CCNA2: variants seen among roughly 807,000 people sequenced by gnomAD.
CCNA2 encodes cyclin-A2.
CCNA2 carries 3 observed loss-of-function variants against 49.4 expected under a neutral mutation model. The observed-to-expected ratio is 0.06, with a 90% CI of 0.03 to 0.16. The LOEUF (loss-of-function observed/expected upper bound fraction) is 0.16. Ranked by LOEUF, CCNA2 falls within the 10% of genes least tolerant of loss-of-function variation. The probability of loss-of-function intolerance (pLI) is 1.00; values close to 1 mark genes in which losing one functional copy is unlikely to be tolerated. For missense variants in CCNA2, 372 were observed against 519.7 expected (o/e 0.72, Z 2.76); for synonymous variants, 206 against 197.2 (o/e 1.04, Z -0.37).
rs757896752 is a variant in CCNA2, at chr4:121,823,423, G to A, written c.206C>T (p.Thr69Met). ...TATCCCGCATCCCTTTACCCGTCTCGTCTTCGGCCTCTGCTGCTGCGCTAG... is the reference window on the plus strand; with the variant it reads ...TATCCCGCATCCCTTTACCCGTCTCATCTTCGGCCTCTGCTGCTGCGCTAG... ...RGLAQQQRPK[T>M]RRVAPLKDLP... The change falls in exon 1 of 8, where the codon ACG (threonine) becomes ATG (methionine). Residue 69 changes from threonine (T) to methionine (M), a missense_variant. Coordinates refer to ENST00000274026, the MANE Select transcript of CCNA2 (RefSeq NM_001237.5). The A allele has an allele frequency of 1.2e-6, 2 of 1,611,332 alleles. No individual in the cohort carries two copies. The highest frequency in any genetic ancestry group is 3.3e-5 in the Admixed American group (2 of 59,770).
Position 121,822,411 on chromosome 4 carries a change from C to T in CCNA2, c.449G>A (p.Gly150Asp). The T allele has an allele frequency of 1.2e-6, 2 of 1,613,776 alleles. No individual in the cohort carries two copies. The highest frequency in any genetic ancestry group is 1.7e-6 in the Non-Finnish European group (2 of 1,179,784). ...PLVPLDYPMD[G>D]SFESPHTMDM... ...TTTTCCTTAAAACTTACCAAAACTA[C>T]CATCCATTGGATAATCAAGAGGGAC... Residue 150 changes from glycine to aspartate, a missense_variant, in exon 2 of 8, where the codon GGT becomes GAT. Physicochemically the swap from Gly to Asp is moderately conservative, Grantham distance 94. This residue lies in a region of CCNA2 where 217 missense variants were observed against 231.7 expected (regional missense o/e 0.94). Transcript: ENST00000274026.
At chr4:121,821,596 C>T (rs905550578) in intron 2 of CCNA2, among the ~76,000 whole-genome samples, 10 of 152,124 alleles carry the variant, frequency 6.6e-5, no homozygotes, top group African/African-American at 2.4e-4. Flanking sequence ...AATGGATTAA[C>T]ACTATAAATA....
intron 2 of CCNA2, among the ~76,000 whole-genome samples, chr4:121,821,513 T>G (rs1460576268): frequency 6.6e-6 from 1 of 152,158 alleles, no homozygotes; most frequent in Non-Finnish European, 1.5e-5. Context: ...AAAGCACAAG[T>G]AGGCAATAGC....
intron 5 of CCNA2, 152 bp from the exon 6 acceptor site, chr4:121,819,065 C>A (rs1025963906): frequency 3.9e-5 from 24 of 622,726 alleles, no homozygotes; most frequent in Middle Eastern, 4.1e-4. Context: ...ACATATCAAT[C>A]ATTTTAGTGT....
At position 121,823,855 on chromosome 4, in the gene CCNA2, A is replaced by C; in HGVS notation, c.-227T>G. 1 of 708,966 alleles carries C rather than the reference A, an allele frequency of 1.4e-6. No individual in the cohort carries two copies. The highest frequency in any genetic ancestry group is 2.3e-5 in the South Asian group (1 of 43,280). 43.9% of individuals were successfully genotyped at this position (708,966 alleles called of 1,614,324 possible). On this transcript the variant is annotated 5_prime_UTR_variant, in exon 1 of 8. Coordinates refer to ENST00000274026, the MANE Select transcript of CCNA2 (RefSeq NM_001237.5). ...CACTGCCCAGCGTGGCGAGCCAAAG[A>C]CGCCCAGAGATGCAGCGAGCAGCCC... is the stretch of plus-strand genomic sequence containing the variant.
At chr4:121,819,980 G>T (rs1253170139) in intron 4 of CCNA2, among the ~76,000 whole-genome samples, 2 of 139,160 alleles carry the variant, frequency 1.4e-5, no homozygotes, top group Non-Finnish European at 3.0e-5. Context: ...TTGCTCTGTC[G>T]CCCAGGCCAG....
At position 121,823,405 on chromosome 4, in the gene CCNA2, C is replaced by T. The variant is rs1724747937; in HGVS notation, c.213+11G>A. ...GACCCACCCTCCTGCAGATATCCCG[C>T]ATCCCTTTACCCGTCTCGTCTTCGG... On this transcript the variant is annotated intron_variant, in intron 1 of 7. Coordinates refer to ENST00000274026, the MANE Select transcript of CCNA2 (RefSeq NM_001237.5). 2.5e-6 allele frequency: 4 copies of T among 1,605,732 alleles called. No homozygotes were observed. The South Asian group carries it at 4.4e-5, about 18-fold the overall frequency.
chr4:121,823,731 G>A lies in CCNA2; in HGVS notation c.-103C>T. 6.9e-7 allele frequency: 1 copy of A among 1,450,166 alleles called. No homozygotes were observed. The highest frequency in any genetic ancestry group is 2.5e-4 in the Middle Eastern group (1 of 3,944). 89.8% of individuals were successfully genotyped at this position (1,450,166 alleles called of 1,614,324 possible). A position where few individuals can be genotyped will look rare whatever the true frequency, so the allele number is the denominator to read the frequency against. Reference sequence around the variant, plus strand: ...CCGACCCGGCCAAAGAATAGTCGTAGCCGCCGGTCGCAGCCCAGGCCAGCC... The same window carrying A: ...CCGACCCGGCCAAAGAATAGTCGTAACCGCCGGTCGCAGCCCAGGCCAGCC... On this transcript the variant is annotated 5_prime_UTR_variant, in exon 1 of 8. Transcript: ENST00000274026.
At position 121,823,868 on chromosome 4, in the gene CCNA2, C is replaced by T. The variant is rs1724770570; in HGVS notation, c.-240G>A. 4 of 620,854 alleles carry T rather than the reference C, an allele frequency of 6.4e-6. No individual in the cohort carries two copies. In the South Asian group the frequency reaches 7.4e-5, roughly 11 times the overall value. 38.5% of individuals were successfully genotyped at this position (620,854 alleles called of 1,614,324 possible). ...GGCGAGCCAAAGACGCCCAGAGATG[C>T]AGCGAGCAGCCCGCCGGAGCGGCGG... On this transcript the variant is annotated 5_prime_UTR_variant, in exon 1 of 8. Transcript: ENST00000274026.
chr4:121,818,162 G>T lies in CCNA2; in HGVS notation c.1132C>A (p.Arg378=), dbSNP rs1346788748. The change falls in exon 7 of 8, where the codon CGA becomes AGA. Residue 378 remains arginine, a synonymous_variant. Transcript: ENST00000274026. ...CTTTCCAGGGTATATCCAGTCTTTC[G>T]TATTAATGATTCAGGCTACAGAGAA... The part of the protein sequence containing the change: ...TGQSWPESLI[R]KTGYTLESLK... 1.2e-6 allele frequency: 2 copies of T among 1,613,252 alleles called. No homozygotes were observed. Among genetic ancestry groups the T allele is most frequent in the Admixed American group, 3.3e-5 (2 of 59,874 alleles).
At chr4:121,822,792 G>T in intron 1 of CCNA2, 146 bp from the exon 2 acceptor site, 1 of 815,224 alleles carries the variant, frequency 1.2e-6, no homozygotes. Flanking sequence ...CAAAAGAGAA[G>T]GGATGTTCCC....
chr4:121,819,007 C>T (rs2071486), intron 5 of CCNA2, 94 bp from the exon 6 acceptor site: 268,673 of 750,688 alleles, frequency 0.36, 50,949 homozygotes, highest in African/African-American at 0.6. Context: ...CCTTTGATAA[C>T]GGCTCTGTAG....
intron 4 of CCNA2, 50 bp from the exon 5 acceptor site, chr4:121,819,629 T>G: frequency 4.0e-6 from 5 of 1,261,382 alleles, no homozygotes; most frequent in Non-Finnish European, 5.7e-6. Context: ...GAAGCAAGCT[T>G]CCTTATCCCA....
intron 5 of CCNA2, 150 bp from the exon 6 acceptor site, chr4:121,819,063 A>G (rs879617646): frequency 1.1e-5 from 7 of 623,200 alleles, no homozygotes; most frequent in African/African-American, 1.8e-5. Flanking sequence ...AAACATATCA[A>G]TCATTTTAGT....
At chr4:121,818,279 C>T in intron 6 of CCNA2, 102 bp from the exon 7 acceptor site, 2 of 1,055,422 alleles carry the variant, frequency 1.9e-6, no homozygotes, top group Non-Finnish European at 2.7e-6. Flanking sequence ...CAGTACTAAT[C>T]TTTAACTTTT....
In CCNA2 at chr4:121,818,038, T is replaced by G. The variant is rs751739171; in HGVS notation, c.1250+6A>C. ...AGTAAGCTTCAATATCCAAGTTAAT[T>G]CTTACTTTGAATTTTTGTACTTTTC... On this transcript the variant is annotated splice_donor_region_variant and intron_variant, in intron 7 of 7. Coordinates refer to ENST00000274026, the MANE Select transcript of CCNA2 (RefSeq NM_001237.5). The G allele has an allele frequency of 9.3e-6, 15 of 1,609,736 alleles. No homozygotes were observed. The South Asian group carries it at 1.7e-4, about 18-fold the overall frequency.
rs1251831565 is a variant in CCNA2 at position 121,817,513 on chromosome 4, T to C, written c.*125A>G. 21 of 1,101,096 alleles carry C rather than the reference T, an allele frequency of 1.9e-5. No homozygotes were observed. Among genetic ancestry groups the C allele is most frequent in the Non-Finnish European group, 2.7e-5 (21 of 764,562 alleles). 68.2% of individuals were successfully genotyped at this position (1,101,096 alleles called of 1,614,324 possible). A position where few individuals can be genotyped will look rare whatever the true frequency, so the allele number is the denominator to read the frequency against. On this transcript the variant is annotated 3_prime_UTR_variant, in exon 8 of 8. Coordinates refer to ENST00000274026, the MANE Select transcript of CCNA2 (RefSeq NM_001237.5). ...ACCATTTAAAAAGTAATAGATACCA[T>C]AATTTGTACTTGGCCACAACTTCTG... is the stretch of plus-strand genomic sequence containing the variant.
chr4:121,821,997 T>C (rs971201172), intron 2 of CCNA2, among the ~76,000 whole-genome samples: 1 of 152,190 alleles, frequency 6.6e-6, no homozygotes, highest in African/African-American at 2.4e-5. Flanking sequence ...GAAACAAAAT[T>C]ATAAAACTGG....
At chr4:121,818,236 G>A (rs1724597698) in intron 6 of CCNA2, 59 bp from the exon 7 acceptor site, 1 of 1,452,024 alleles carries the variant, frequency 6.9e-7, no homozygotes, top group African/African-American at 1.4e-5. Context: ...ACCAAACACA[G>A]TAAATAGTTG....
Sources: allele counts gnomAD v4.1 joint callset (sites outside exome capture counted in the v4.1 genomes callset), GRCh38; gene constraint gnomAD v4.1.1; regional missense constraint gnomAD v4.1.1; transcripts MANE v1.5; gene names NCBI Gene and HGNC (gene_info 2026-07-23, HGNC 2026-07-21).